The following GPC6 variants were observed in gnomAD, a reference collection of about 807,000 sequenced individuals.
GPC6 encodes glypican 6.
Under a neutral mutation model 55.2 loss-of-function variants are expected in GPC6, and 14 were observed. The observed-to-expected ratio is 0.25, with a 90% confidence interval of 0.17 to 0.40. The LOEUF is 0.40. Ranked by LOEUF, GPC6 falls within the 10% of genes least tolerant of loss-of-function variation. GPC6 has a pLI of 1.00. For synonymous variants in GPC6, 278 were observed against 259.6 expected (o/e 1.07, Z -0.68); for missense variants, 641 against 708.5 (o/e 0.90, Z 1.08).
intron 4 of GPC6, among the ~76,000 whole-genome samples, chr13:94,081,271 C>T (rs1885086647): frequency 6.6e-6 from 1 of 152,110 alleles, no homozygotes; most frequent in African/African-American, 2.4e-5. Context: ...ACCATGTTTC[C>T]AGCAGTATTA....
rs376050401 is a variant in GPC6 at position 93,335,749 on chromosome 13, G to A, written c.160+108133G>A. Among the ~76,000 whole-genome samples, 40 of 152,164 alleles carry A rather than the reference G, an allele frequency of 2.6e-4. No individual in the cohort carries two copies. The East Asian group carries it at 7.0e-3, about 26-fold the overall frequency. On this transcript the variant is annotated intron_variant, in intron 1 of 8. Coordinates refer to ENST00000377047, the MANE Select transcript of GPC6 (RefSeq NM_005708.5). Reference sequence around the variant, plus strand: ...ACCTGCTGACCTTCCAAGTTCCTGTGGGCATTTGAGTTTCTGACCTTTGCC... The same window carrying A: ...ACCTGCTGACCTTCCAAGTTCCTGTAGGCATTTGAGTTTCTGACCTTTGCC...
At chr13:93,830,730 G>A in intron 3 of GPC6, 185 bp downstream of exon 3, 2 of 612,202 alleles carry the variant, frequency 3.3e-6, no homozygotes, top group East Asian at 2.8e-5. Flanking sequence ...CATTGTGTGA[G>A]AGAGAACAGG....
At chr13:93,382,173 T>G (rs1444885795) in intron 1 of GPC6, among the ~76,000 whole-genome samples, 1 of 152,176 alleles carries the variant, frequency 6.6e-6, no homozygotes, top group Non-Finnish European at 1.5e-5. Context: ...TATTGACTAG[T>G]GTTGCAATCT....
At chr13:94,107,529 C>A (rs1886097052) in intron 4 of GPC6, among the ~76,000 whole-genome samples, 1 of 151,684 alleles carries the variant, frequency 6.6e-6, no homozygotes, top group Non-Finnish European at 1.5e-5. Context: ...AGATAAATAA[C>A]CTCAGGCAAG....
At chr13:93,735,598 C>G (rs1009467489) in intron 2 of GPC6, among the ~76,000 whole-genome samples, 1 of 151,928 alleles carries the variant, frequency 6.6e-6, no homozygotes, top group Admixed American at 6.6e-5. Context: ...CATCTTTGAT[C>G]AATCTTTGCC....
intron 3 of GPC6, among the ~76,000 whole-genome samples, chr13:93,946,752 G>A (rs1046428212): frequency 1.3e-4 from 20 of 152,168 alleles, no homozygotes; most frequent in African/African-American, 4.8e-4. Flanking sequence ...GGCAGCTAGG[G>A]CATCAGTCTA....
chr13:94,167,322 C>T (rs530443540), intron 4 of GPC6, among the ~76,000 whole-genome samples: 68 of 152,192 alleles, frequency 4.5e-4, no homozygotes, highest in African/African-American at 1.5e-3. Flanking sequence ...TGCAAGAGGG[C>T]GTGTCCCAAG....
chr13:94,372,201 G>C (rs917232909), intron 6 of GPC6, among the ~76,000 whole-genome samples: 4 of 152,028 alleles, frequency 2.6e-5, no homozygotes, highest in African/African-American at 7.3e-5. Flanking sequence ...TCATCACTGG[G>C]GGGAGGAGCC....
chr13:93,292,227 G>A (rs1878341700), intron 1 of GPC6, among the ~76,000 whole-genome samples: 3 of 152,060 alleles, frequency 2.0e-5, no homozygotes, highest in Admixed American at 1.3e-4. Flanking sequence ...GAGATGTCAC[G>A]TGCCCTTAAA....
intron 2 of GPC6, among the ~76,000 whole-genome samples, chr13:93,795,986 C>T (rs1886185974): frequency 6.6e-6 from 1 of 151,510 alleles, no homozygotes. Context: ...GAGTTCAAGA[C>T]CAGCCTGGGC....
At chr13:93,667,642 A>G (rs946660019) in intron 2 of GPC6, among the ~76,000 whole-genome samples, 28 of 151,790 alleles carry the variant, frequency 1.8e-4, no homozygotes, top group African/African-American at 6.5e-4. Flanking sequence ...CACGTTAGCC[A>G]GGCTGGTCTT....
chr13:93,483,861 T>C (rs1594202692), intron 1 of GPC6, among the ~76,000 whole-genome samples: 1 of 152,162 alleles, frequency 6.6e-6, no homozygotes, highest in Admixed American at 6.6e-5. Context: ...CTAACACAGC[T>C]AATGCTGGAA....
In GPC6 at chr13:93,230,639, C is replaced by T. The variant is rs139331518; in HGVS notation, c.160+3023C>T. Among the ~76,000 whole-genome samples the T allele has an allele frequency of 6.5e-3, 984 of 152,178 alleles. 10 individuals are homozygous for T. Among genetic ancestry groups the T allele is most frequent in the African/African-American group, 0.022 (924 of 41,540 alleles). ...ATATGCTTGCTTATTTTTTCTTGTT[C>T]TATCCTCTGGGAAGATACTGAGCAG... is the stretch of plus-strand genomic sequence containing the variant. On this transcript the variant is annotated intron_variant, in intron 1 of 8. Transcript: ENST00000377047.
chr13:93,394,656 T>C (rs1205167578), intron 1 of GPC6, among the ~76,000 whole-genome samples: 1 of 152,188 alleles, frequency 6.6e-6, no homozygotes, highest in Non-Finnish European at 1.5e-5. Context: ...AAGGCTCAAG[T>C]GATGCAAACC....
chr13:93,273,526 T>C (rs1027409662), intron 1 of GPC6, among the ~76,000 whole-genome samples: 44 of 151,900 alleles, frequency 2.9e-4, no homozygotes, highest in African/African-American at 8.2e-4. Context: ...GGCGTGGTGG[T>C]GGGCGCCTGT....
chr13:94,286,531 A>C (rs1409174), intron 5 of GPC6, 52 bp downstream of exon 5: 1 of 1,523,294 alleles, frequency 6.6e-7, no homozygotes, highest in Non-Finnish European at 9.1e-7. Flanking sequence ...TACAGGTGCA[A>C]TAACCTAAAA....
At chr13:93,894,138 G>A (rs1875856915) in intron 3 of GPC6, among the ~76,000 whole-genome samples, 1 of 152,066 alleles carries the variant, frequency 6.6e-6, no homozygotes, top group African/African-American at 2.4e-5. Flanking sequence ...CTAAATTATT[G>A]CTGCATATGT....
rs965784302 is a variant in GPC6 at position 94,382,307 on chromosome 13, G to A, written c.1153-107G>A. 54 of 1,166,714 alleles carry A rather than the reference G, an allele frequency of 4.6e-5. 1 individual carries two copies. In the Middle Eastern group the frequency reaches 8.2e-4, roughly 18 times the overall value. The allele number at this position is 1,166,714 out of a possible 1,614,324, so 72.3% of individuals were successfully genotyped here. Reference sequence around the variant, plus strand: ...CTCTTAAAACTGTTAAAGAGTTCCTGCTGGTCATATCACAGGTTCTATAAC... The same window carrying A: ...CTCTTAAAACTGTTAAAGAGTTCCTACTGGTCATATCACAGGTTCTATAAC... On this transcript the variant is annotated intron_variant, in intron 6 of 8. Coordinates refer to ENST00000377047, the MANE Select transcript of GPC6 (RefSeq NM_005708.5).
intron 3 of GPC6, among the ~76,000 whole-genome samples, chr13:93,943,776 G>A (rs1308115090): frequency 1.3e-5 from 2 of 152,140 alleles, no homozygotes; most frequent in African/African-American, 2.4e-5. Context: ...AAAACCCCAA[G>A]AAATGGGCAG....
Sources: allele counts gnomAD v4.1 joint callset (sites outside exome capture counted in the v4.1 genomes callset), GRCh38; gene constraint gnomAD v4.1.1; transcripts MANE v1.5; gene names NCBI Gene and HGNC (gene_info 2026-07-23, HGNC 2026-07-21).